The following MEGF11 variants were observed in gnomAD, a reference collection of about 807,000 sequenced individuals.
MEGF11 encodes multiple epidermal growth factor-like domains protein 11.
Under a neutral mutation model 146.6 loss-of-function variants are expected in MEGF11, and 126 were observed. That is an observed-to-expected ratio of 0.86 (90% CI 0.74 to 1.00). The LOEUF (loss-of-function observed/expected upper bound fraction) is 1.00. MEGF11 is among the 50% of genes least tolerant of loss of function. The pLI, the probability that MEGF11 is intolerant of heterozygous loss-of-function variation, is 0.00. For missense variants in MEGF11, 1,509 were observed against 1,521.2 expected (o/e 0.99, Z 0.13); for synonymous variants, 532 against 583.4 (o/e 0.91, Z 1.27).
intron 5 of MEGF11, among the ~76,000 whole-genome samples, chr15:66,030,204 G>A (rs114470211): frequency 0.016 from 2,364 of 152,178 alleles, 56 homozygotes; most frequent in African/African-American, 0.052. Flanking sequence ...TGTACCTGCC[G>A]CATGCAAAAT....
At chr15:65,919,808 CAG>C (rs759167503) in intron 15 of MEGF11, among the ~76,000 whole-genome samples, 7 of 152,162 alleles carry the variant, frequency 4.6e-5, no homozygotes, top group Non-Finnish European at 1.0e-4. Flanking sequence ...TTAGTAGAAA[CAG>C]GGTTTCACCA....
chr15:66,045,336 G>A lies in MEGF11; in HGVS notation c.394+49066C>T, dbSNP rs193147628. 6.9e-3 allele frequency among the ~76,000 whole-genome samples: 1,048 copies of A among 152,326 alleles called. 3 individuals carry two copies. Among genetic ancestry groups the A allele is most frequent in the Non-Finnish European group, 8.8e-3 (598 of 68,034 alleles). ...GAACCCAGGAGGGCTTTTGTCCAAG[G>A]GTCCTGAGCCATAGGCTTGGCAGGA... On this transcript the variant is annotated intron_variant, in intron 5 of 25. Coordinates refer to ENST00000395614, the MANE Select transcript of MEGF11 (RefSeq NM_001385028.1).
At chr15:65,909,695 AG>A (rs1421597309) in intron 22 of MEGF11, 44 bp downstream of exon 22, 7 of 1,504,038 alleles carry the variant, frequency 4.7e-6, no homozygotes, top group Non-Finnish European at 6.3e-6. Flanking sequence ...GAAGAAGAAT[AG>A]GGTGGGACAT....
chr15:66,190,764 A>G (rs545932086), intron 1 of MEGF11, among the ~76,000 whole-genome samples: 3 of 152,062 alleles, frequency 2.0e-5, no homozygotes, highest in Non-Finnish European at 4.4e-5. Flanking sequence ...AATACACTCT[A>G]TGCTGTGTCA....
chr15:66,122,687 C>T (rs1382975179), intron 3 of MEGF11, among the ~76,000 whole-genome samples: 3 of 152,232 alleles, frequency 2.0e-5, no homozygotes, highest in African/African-American at 4.8e-5. Flanking sequence ...CCTCCATTTT[C>T]CCCTGTATTT....
At chr15:66,226,803 A>G (rs1057130093) in intron 1 of MEGF11, among the ~76,000 whole-genome samples, 1 of 151,988 alleles carries the variant, frequency 6.6e-6, no homozygotes, top group Non-Finnish European at 1.5e-5. Flanking sequence ...TCACACCCTC[A>G]CATGGGCACA....
intron 5 of MEGF11, among the ~76,000 whole-genome samples, chr15:66,059,234 G>T (rs115770534): frequency 1.3e-5 from 2 of 152,128 alleles, no homozygotes; most frequent in African/African-American, 4.8e-5. Flanking sequence ...TCCCTCCCCC[G>T]CGCCATCCTC....
intron 4 of MEGF11, among the ~76,000 whole-genome samples, chr15:66,110,022 C>G (rs1014803972): frequency 6.6e-6 from 1 of 152,180 alleles, no homozygotes; most frequent in South Asian, 2.1e-4. Flanking sequence ...AGAGGGGCCC[C>G]GGGGTGGCAG....
At chr15:65,997,610 A>G (rs1361862050) in intron 5 of MEGF11, among the ~76,000 whole-genome samples, 1 of 152,124 alleles carries the variant, frequency 6.6e-6, no homozygotes, top group Non-Finnish European at 1.5e-5. Context: ...GCCTACTTTC[A>G]TCCTTTTGTT....
intron 19 of MEGF11, 106 bp from the exon 20 acceptor site, chr15:65,914,079 G>A (rs939335844): frequency 2.3e-6 from 2 of 869,654 alleles, no homozygotes; most frequent in Admixed American, 2.3e-5. Flanking sequence ...AGGAGATCTG[G>A]TTCTGGCTTT....
intron 1 of MEGF11, among the ~76,000 whole-genome samples, chr15:66,157,787 T>A (rs1401731060): frequency 4.6e-5 from 7 of 152,202 alleles, no homozygotes; most frequent in Admixed American, 3.3e-4. Context: ...TTTAATCAGT[T>A]CCCAGCTGAG....
chr15:66,096,146 C>T (rs1241214429), intron 4 of MEGF11, among the ~76,000 whole-genome samples: 1 of 152,198 alleles, frequency 6.6e-6, no homozygotes, highest in Non-Finnish European at 1.5e-5. Flanking sequence ...CTCCCTGTCC[C>T]TCATCCCCAC....
chr15:65,901,557 T>C (rs1161578890), intron 24 of MEGF11, among the ~76,000 whole-genome samples: 1 of 152,166 alleles, frequency 6.6e-6, no homozygotes, highest in Non-Finnish European at 1.5e-5. Context: ...TTTCCCTCAC[T>C]ACGTGTCTTG....
intron 13 of MEGF11, among the ~76,000 whole-genome samples, chr15:65,923,391 C>T (rs2079244645): frequency 6.6e-6 from 1 of 152,118 alleles, no homozygotes. Flanking sequence ...CAACTATGGG[C>T]AAGTAAGTGC....
chr15:66,154,136 G>T (rs924507325), intron 1 of MEGF11, among the ~76,000 whole-genome samples: 3 of 152,218 alleles, frequency 2.0e-5, no homozygotes, highest in Non-Finnish European at 4.4e-5. Context: ...GCAGCTTTGC[G>T]TGAGACAGGC....
chr15:66,131,889 G>A (rs762050267), intron 1 of MEGF11, among the ~76,000 whole-genome samples: 55 of 151,978 alleles, frequency 3.6e-4, no homozygotes, highest in Non-Finnish European at 7.1e-4. Flanking sequence ...TGATGATAGC[G>A]GCTTAGGAAA....
At chr15:65,977,779 C>A (rs1468714395) in intron 7 of MEGF11, among the ~76,000 whole-genome samples, 1 of 151,932 alleles carries the variant, frequency 6.6e-6, no homozygotes, top group Non-Finnish European at 1.5e-5. Flanking sequence ...TGTGTGTATG[C>A]ATGTAGGCAC....
chr15:66,176,720 G>C (rs2090397181), intron 1 of MEGF11, among the ~76,000 whole-genome samples: 1 of 152,146 alleles, frequency 6.6e-6, no homozygotes, highest in African/African-American at 2.4e-5. Flanking sequence ...TTTTCTTGCT[G>C]CTGAGCCAGC....
intron 5 of MEGF11, among the ~76,000 whole-genome samples, chr15:65,986,064 G>C (rs947034269): frequency 2.0e-5 from 3 of 151,440 alleles, no homozygotes; most frequent in African/African-American, 4.9e-5. Context: ...CGATTCTCCT[G>C]CCTCAGCCTC....
Sources: gnomAD v4.1 joint callset for allele counts (sites outside exome capture counted in the v4.1 genomes callset) on GRCh38, gnomAD v4.1.1 for gene constraint, MANE v1.5 for transcripts, NCBI Gene and HGNC (gene_info 2026-07-23, HGNC 2026-07-21) for gene names.